The following KCNC2 variants were observed in gnomAD, a reference collection of about 807,000 sequenced individuals.
KCNC2 encodes voltage-gated potassium channel KCNC2.
A neutral mutation model predicts 44.5 loss-of-function variants in KCNC2; 21 were observed. The ratio of observed to expected loss-of-function variants is 0.47; its 90% confidence interval spans 0.33 to 0.68. The LOEUF is 0.68. Ranked by LOEUF, KCNC2 falls within the 30% of genes least tolerant of loss-of-function variation. The pLI, the probability that KCNC2 is intolerant of heterozygous loss-of-function variation, is 0.01. For synonymous variants in KCNC2, 391 were observed against 339.1 expected, an observed-to-expected ratio of 1.15 and a Z score of -1.68; for missense variants, 589 against 826.2, an observed-to-expected ratio of 0.71 and a Z score of 3.52.
At chr12:75,191,536 T>A (rs1211192382) in intron 2 of KCNC2, among the ~76,000 whole-genome samples, 36 of 29,180 alleles carry the variant, frequency 1.2e-3, no homozygotes, top group African/African-American at 4.6e-3. Flanking sequence ...TATTTTTTTT[T>A]TTTTTTTTTT....
At chr12:75,099,708 T>A (rs887623598) in intron 2 of KCNC2, among the ~76,000 whole-genome samples, 1 of 152,204 alleles carries the variant, frequency 6.6e-6, no homozygotes, top group Non-Finnish European at 1.5e-5. Context: ...ATCCTCATTT[T>A]AACCTCAAGT....
intron 2 of KCNC2, among the ~76,000 whole-genome samples, chr12:75,192,763 A>G (rs939647451): frequency 1.3e-5 from 2 of 152,230 alleles, no homozygotes; most frequent in Non-Finnish European, 2.9e-5. Flanking sequence ...AGAATCATAG[A>G]GAAATACATC....
intron 2 of KCNC2, among the ~76,000 whole-genome samples, chr12:75,059,907 C>T (rs1359075805): frequency 6.6e-6 from 1 of 152,068 alleles, no homozygotes. Context: ...CTGGTAATCT[C>T]ATCTACTTCC....
At chr12:75,153,440 G>A (rs1300235650) in intron 2 of KCNC2, among the ~76,000 whole-genome samples, 1 of 151,776 alleles carries the variant, frequency 6.6e-6, no homozygotes, top group Non-Finnish European at 1.5e-5. Context: ...TAGAGAGAGT[G>A]GAATAGCAGA....
At chr12:75,135,744 T>C (rs191726076) in intron 2 of KCNC2, among the ~76,000 whole-genome samples, 186 of 152,166 alleles carry the variant, frequency 1.2e-3, no homozygotes, top group African/African-American at 4.4e-3. Context: ...ATTTGATCTC[T>C]ACCCACTCAT....
intron 2 of KCNC2, among the ~76,000 whole-genome samples, chr12:75,149,147 C>G (rs921670131): frequency 6.6e-6 from 1 of 151,760 alleles, no homozygotes; most frequent in African/African-American, 2.4e-5. Context: ...AAATCTCTAT[C>G]CAGTCATTTA....
chr12:75,121,879 C>T (rs572340586), intron 2 of KCNC2, among the ~76,000 whole-genome samples: 5 of 152,234 alleles, frequency 3.3e-5, no homozygotes, highest in African/African-American at 1.2e-4. Context: ...CTTTTTATTA[C>T]TGAGTTTTCC....
chr12:75,170,523 C>T (rs1384503817), intron 2 of KCNC2, among the ~76,000 whole-genome samples: 5 of 151,756 alleles, frequency 3.3e-5, no homozygotes, highest in African/African-American at 1.2e-4. Flanking sequence ...TGAATGTATT[C>T]ACTCAACTAA....
intron 3 of KCNC2, 115 bp downstream of exon 3, chr12:75,050,275 G>T: frequency 1.3e-6 from 1 of 776,682 alleles, no homozygotes. Flanking sequence ...TTCGTGAAAG[G>T]GTTAGGGCTG....
At chr12:75,184,820 G>T (rs541823210) in intron 2 of KCNC2, among the ~76,000 whole-genome samples, 2 of 152,288 alleles carry the variant, frequency 1.3e-5, no homozygotes, top group African/African-American at 2.4e-5. Context: ...TTAAGTGCCT[G>T]CTTGTGAAAT....
intron 2 of KCNC2, among the ~76,000 whole-genome samples, chr12:75,071,619 A>G (rs961416452): frequency 7.9e-5 from 12 of 152,182 alleles, no homozygotes; most frequent in African/African-American, 2.9e-4. Context: ...GTAATTCCAC[A>G]AGGCCACTAT....
At chr12:75,081,891 C>G (rs1308151831) in intron 2 of KCNC2, among the ~76,000 whole-genome samples, 1 of 151,956 alleles carries the variant, frequency 6.6e-6, no homozygotes, top group Non-Finnish European at 1.5e-5. Context: ...ACCAAATCTA[C>G]AAGAGCCTTT....
At position 75,087,242 on chromosome 12, in the gene KCNC2, T is replaced by G. The variant is rs535968321; in HGVS notation, c.688-35925A>C. Among the ~76,000 whole-genome samples, 16 of 152,232 alleles carry G rather than the reference T, an allele frequency of 1.1e-4. 1 individual carries two copies. In the South Asian group the frequency reaches 2.9e-3, roughly 28 times the overall value. The stretch of plus-strand genomic sequence containing the variant: ...AGGTAGCATTGGATATGGGGTATGA[T>G]GTGAATTTGTTAGGGCCTCAGAACT... On this transcript the variant is annotated intron_variant, in intron 2 of 4. Coordinates refer to ENST00000549446, the MANE Select transcript of KCNC2 (RefSeq NM_139137.4).
At chr12:75,109,149 A>G (rs1887023015) in intron 2 of KCNC2, among the ~76,000 whole-genome samples, 1 of 152,220 alleles carries the variant, frequency 6.6e-6, no homozygotes, top group African/African-American at 2.4e-5. Context: ...TGATTATTTT[A>G]AAGTAGATAC....
At chr12:75,058,518 T>C (rs1450165069) in intron 2 of KCNC2, among the ~76,000 whole-genome samples, 1 of 152,058 alleles carries the variant, frequency 6.6e-6, no homozygotes, top group East Asian at 1.9e-4. Flanking sequence ...ATATTTGTTT[T>C]TACTTAATGG....
intron 2 of KCNC2, among the ~76,000 whole-genome samples, chr12:75,117,174 G>C (rs569295811): frequency 6.6e-6 from 1 of 152,232 alleles, no homozygotes; most frequent in South Asian, 2.1e-4. Flanking sequence ...ACACTGAGAA[G>C]CTTCTGGGTT....
chr12:75,181,797 C>T (rs139993692), intron 2 of KCNC2, among the ~76,000 whole-genome samples: 1 of 151,878 alleles, frequency 6.6e-6, no homozygotes, highest in African/African-American at 2.4e-5. Context: ...CACAGTTTTA[C>T]CACAATAATT....
At chr12:75,175,103 G>T (rs1892095285) in intron 2 of KCNC2, among the ~76,000 whole-genome samples, 1 of 151,888 alleles carries the variant, frequency 6.6e-6, no homozygotes, top group Non-Finnish European at 1.5e-5. Context: ...AAGACAGCCT[G>T]TGTACCTGAA....
chr12:75,165,470 A>T (rs185801834), intron 2 of KCNC2, among the ~76,000 whole-genome samples: 194 of 151,706 alleles, frequency 1.3e-3, no homozygotes, highest in African/African-American at 4.5e-3. Context: ...ACTAATTTAT[A>T]CAATAAGATA....
Sources: allele counts gnomAD v4.1 joint callset (sites outside exome capture counted in the v4.1 genomes callset), GRCh38; gene constraint gnomAD v4.1.1; transcripts MANE v1.5; gene names NCBI Gene and HGNC (gene_info 2026-07-23, HGNC 2026-07-21).